Variants in MCTP1 observed in about 807,000 individuals in gnomAD.
MCTP1 encodes multiple C2 and transmembrane domain-containing protein 1.
A neutral mutation model predicts 120.6 loss-of-function variants in MCTP1; 69 were observed. The ratio of observed to expected loss-of-function variants is 0.57; its 90% CI spans 0.47 to 0.70. The LOEUF (loss-of-function observed/expected upper bound fraction) is 0.70. MCTP1 is among the 30% of genes least tolerant of loss of function. The probability of loss-of-function intolerance (pLI) is 0.00; values close to 1 mark genes in which losing one functional copy is unlikely to be tolerated. For synonymous variants in MCTP1, 529 were observed against 493.1 expected (o/e 1.07, Z -0.96); for missense variants, 1,203 against 1,248.8 (o/e 0.96, Z 0.55).
chr5:95,113,944 A>T (rs1396342863), intron 1 of MCTP1, among the ~76,000 whole-genome samples: 1 of 152,206 alleles, frequency 6.6e-6, no homozygotes, highest in Non-Finnish European at 1.5e-5. Flanking sequence ...CCTGTATACC[A>T]GCTCAGCCAC....
At chr5:94,826,055 G>T in intron 17 of MCTP1, 1 of 316,780 alleles carries the variant, frequency 3.2e-6, no homozygotes, top group Non-Finnish European at 6.1e-6. Context: ...GGCTCGTGGA[G>T]AAGATACTTT....
At chr5:95,053,968 G>T (rs1335007144) in intron 1 of MCTP1, among the ~76,000 whole-genome samples, 1 of 152,220 alleles carries the variant, frequency 6.6e-6, no homozygotes. Flanking sequence ...CGTATCATAA[G>T]ATTAACCTTG....
At chr5:95,117,431 T>A (rs966694099) in intron 1 of MCTP1, among the ~76,000 whole-genome samples, 10 of 140,120 alleles carry the variant, frequency 7.1e-5, no homozygotes, top group Non-Finnish European at 1.2e-4. Context: ...ACATCACTGA[T>A]CATTAAAGAA....
At chr5:95,110,780 G>C (rs758106562) in intron 1 of MCTP1, among the ~76,000 whole-genome samples, 1 of 152,092 alleles carries the variant, frequency 6.6e-6, no homozygotes, top group Non-Finnish European at 1.5e-5. Flanking sequence ...AAATTCAGAA[G>C]TTCTTACGGC....
intron 1 of MCTP1, among the ~76,000 whole-genome samples, chr5:95,181,323 A>T (rs145283545): frequency 9.3e-4 from 141 of 152,286 alleles, no homozygotes; most frequent in African/African-American, 3.3e-3. Context: ...CTCTAGCTAC[A>T]CGTCTACATT....
chr5:95,134,058 T>G (rs547231751), intron 1 of MCTP1, among the ~76,000 whole-genome samples: 9 of 152,354 alleles, frequency 5.9e-5, no homozygotes, highest in Non-Finnish European at 1.2e-4. Flanking sequence ...TCTTCTGAAT[T>G]GATTCTTGTT....
chr5:94,909,638 G>C (rs1212094588), intron 9 of MCTP1, among the ~76,000 whole-genome samples: 2 of 151,948 alleles, frequency 1.3e-5, no homozygotes, highest in Non-Finnish European at 2.9e-5. Context: ...TAACAGATAA[G>C]ATATATAAAT....
At chr5:94,778,625 A>G (rs1711538929) in intron 19 of MCTP1, among the ~76,000 whole-genome samples, 1 of 152,144 alleles carries the variant, frequency 6.6e-6, no homozygotes, top group African/African-American at 2.4e-5. Flanking sequence ...AAGGGCGGTG[A>G]GCACTGGGGT....
At chr5:94,818,950 C>T (rs564862448) in intron 17 of MCTP1, among the ~76,000 whole-genome samples, 10 of 152,258 alleles carry the variant, frequency 6.6e-5, no homozygotes, top group Non-Finnish European at 1.2e-4. Flanking sequence ...GAATTTAGAA[C>T]AAGGGGTTAT....
At chr5:94,783,398 C>T (rs1223108337) in intron 18 of MCTP1, among the ~76,000 whole-genome samples, 1 of 152,038 alleles carries the variant, frequency 6.6e-6, no homozygotes, top group Non-Finnish European at 1.5e-5. Context: ...TTTAGAGGAG[C>T]TCTCGTACTG....
At chr5:95,156,408 C>T (rs866795300) in intron 1 of MCTP1, among the ~76,000 whole-genome samples, 1 of 152,150 alleles carries the variant, frequency 6.6e-6, no homozygotes, top group East Asian at 1.9e-4. Flanking sequence ...ATACCCAAAC[C>T]ATTTTGGAAA....
intron 1 of MCTP1, among the ~76,000 whole-genome samples, chr5:95,245,217 G>C (rs998799815): frequency 6.6e-6 from 1 of 152,228 alleles, no homozygotes; most frequent in Non-Finnish European, 1.5e-5. Flanking sequence ...CAAAGATGGA[G>C]AGAAACCAGA....
chr5:94,906,712 A>G (rs957874414), intron 10 of MCTP1, among the ~76,000 whole-genome samples: 1 of 152,218 alleles, frequency 6.6e-6, no homozygotes, highest in Non-Finnish European at 1.5e-5. Flanking sequence ...AAACCATAGC[A>G]TAATAAACTA....
chr5:94,911,340 G>C (rs1172933853), intron 9 of MCTP1, among the ~76,000 whole-genome samples: 1 of 152,112 alleles, frequency 6.6e-6, no homozygotes, highest in Non-Finnish European at 1.5e-5. Context: ...AGATGATATG[G>C]TTTGGCTCTG....
chr5:95,163,531 T>C (rs1169826217), intron 1 of MCTP1, among the ~76,000 whole-genome samples: 1 of 152,186 alleles, frequency 6.6e-6, no homozygotes, highest in Non-Finnish European at 1.5e-5. Flanking sequence ...CATTACTATA[T>C]AGAGAGCAGT....
chr5:94,714,661 T>C, intron 20 of MCTP1, 116 bp downstream of exon 20: 1 of 738,680 alleles, frequency 1.4e-6, no homozygotes, highest in Non-Finnish European at 2.4e-6. Context: ...AACTGAGCAA[T>C]AGAGCACCCA....
intron 1 of MCTP1, among the ~76,000 whole-genome samples, chr5:95,023,869 T>C (rs1387440906): frequency 1.3e-5 from 2 of 152,204 alleles, no homozygotes; most frequent in East Asian, 1.9e-4. Flanking sequence ...CTGAATGATA[T>C]ATCTAAGTTG....
chr5:95,129,244 T>C (rs915385700), intron 1 of MCTP1, among the ~76,000 whole-genome samples: 2 of 152,220 alleles, frequency 1.3e-5, no homozygotes, highest in East Asian at 3.9e-4. Context: ...GTTATTGTAT[T>C]TTTATTTTTC....
rs1812367475 is a variant in MCTP1, at chr5:94,923,998, A to C, written c.1236T>G (p.Val412=). The change falls in exon 7 of 23, where the codon GTT becomes GTG. Residue 412 remains valine (V), a synonymous_variant. Transcript: ENST00000515393. ...SSKELSENEV[V]GSYFSVKSLF... is the part of the protein sequence containing the mutation. Reference sequence around the variant, plus strand: ...GAGACTTCACAGAGAAATAAGATCCAACCACTTCATTTTCTGAAAGTTCCT... The same window carrying C: ...GAGACTTCACAGAGAAATAAGATCCCACCACTTCATTTTCTGAAAGTTCCT... The C allele has an allele frequency of 6.6e-7, 1 of 1,514,394 alleles. No individual in the cohort carries two copies. The highest frequency in any genetic ancestry group is 1.4e-5 in the African/African-American group (1 of 69,198). The allele number at this position is 1,514,394 out of a possible 1,614,324, so 93.8% of individuals were successfully genotyped here. A position where few individuals can be genotyped will look rare whatever the true frequency, so the allele number is the denominator to read the frequency against.
Sources: gnomAD v4.1 joint callset for allele counts (sites outside exome capture counted in the v4.1 genomes callset) on GRCh38, gnomAD v4.1.1 for gene constraint, MANE v1.5 for transcripts, NCBI Gene and HGNC (gene_info 2026-07-23, HGNC 2026-07-21) for gene names.